The following NPEPPS variants were observed in gnomAD, a reference collection of about 807,000 sequenced individuals.
NPEPPS encodes the protein aminopeptidase puromycin sensitive.
A neutral mutation model predicts 115.5 loss-of-function variants in NPEPPS; 14 were observed. The observed-to-expected ratio is 0.12, with a 90% confidence interval of 0.08 to 0.19. NPEPPS has a LOEUF of 0.19. Among genes scored for constraint, NPEPPS ranks in the 10% least tolerant of loss-of-function variants. The pLI, the probability that NPEPPS is intolerant of heterozygous loss-of-function variation, is 1.00. For synonymous variants in NPEPPS, 285 were observed against 390.6 expected (o/e 0.73, Z 3.19); for missense variants, 523 against 1,110.8 (o/e 0.47, Z 7.52).
intron 2 of NPEPPS, among the ~76,000 whole-genome samples, chr17:47,546,800 C>G (rs1435450416): frequency 3.9e-5 from 6 of 152,092 alleles, no homozygotes; most frequent in Admixed American, 2.0e-4. Flanking sequence ...TCCCAAAGTG[C>G]TGGGATTACA....
intron 17 of NPEPPS, among the ~76,000 whole-genome samples, chr17:47,610,543 C>T (rs1913788975): frequency 2.0e-5 from 3 of 151,858 alleles, no homozygotes; most frequent in Admixed American, 6.6e-5. Context: ...GCCACCACGC[C>T]CAGCTAATTT....
intron 2 of NPEPPS, among the ~76,000 whole-genome samples, chr17:47,566,339 T>G (rs1260077584): frequency 6.6e-6 from 1 of 152,132 alleles, no homozygotes; most frequent in Admixed American, 6.5e-5. Context: ...TGTAGTGATA[T>G]GTCATTGTGA....
chr17:47,591,678 C>T (rs1326320375), intron 10 of NPEPPS: 10 of 299,010 alleles, frequency 3.3e-5, no homozygotes, highest in African/African-American at 2.2e-4. Context: ...CACTCCTCTG[C>T]AACTACCCCA....
At chr17:47,595,573 T>C (rs549589588) in intron 12 of NPEPPS, among the ~76,000 whole-genome samples, 120 of 152,344 alleles carry the variant, frequency 7.9e-4, no homozygotes, top group African/African-American at 2.8e-3. Flanking sequence ...CCAGGTGTTA[T>C]GACTCACACC....
At chr17:47,602,764 C>T (rs778934143) in intron 15 of NPEPPS, among the ~76,000 whole-genome samples, 21 of 151,568 alleles carry the variant, frequency 1.4e-4, no homozygotes, top group Admixed American at 2.6e-4. Flanking sequence ...CCTCAGGCTC[C>T]GGAGTAGCTA....
intron 22 of NPEPPS, 73 bp from the exon 23 acceptor site, chr17:47,621,695 A>AT (rs1201349672): frequency 7.0e-7 from 1 of 1,429,940 alleles, no homozygotes; most frequent in South Asian, 1.3e-5. Context: ...ACCAGTGGGT[A>AT]TTTTTTCATA....
At chr17:47,605,608 T>G in intron 17 of NPEPPS, 56 bp downstream of exon 17, 1 of 1,043,226 alleles carries the variant, frequency 9.6e-7, no homozygotes, top group South Asian at 1.4e-5. Flanking sequence ...CTTTTTTATG[T>G]GGTTAACAAT....
At chr17:47,548,076 T>C (rs1237124820) in intron 2 of NPEPPS, 2 of 152,130 alleles carry the variant, frequency 1.3e-5, no homozygotes, top group Non-Finnish European at 2.9e-5. Context: ...TTTGATCTTT[T>C]AACTTACATT....
intron 16 of NPEPPS, among the ~76,000 whole-genome samples, chr17:47,604,324 T>C (rs975948180): frequency 6.6e-5 from 10 of 152,212 alleles, no homozygotes; most frequent in African/African-American, 1.9e-4. Flanking sequence ...GAAATAAATA[T>C]AAGCCTTGAA....
chr17:47,578,066 G>A (rs368134360), intron 3 of NPEPPS, among the ~76,000 whole-genome samples: 1 of 151,952 alleles, frequency 6.6e-6, no homozygotes, highest in Non-Finnish European at 1.5e-5. Flanking sequence ...TTAGCCAGGC[G>A]TGGTGATGCC....
At chr17:47,590,236 C>T (rs1467062455) in intron 9 of NPEPPS, among the ~76,000 whole-genome samples, 2 of 151,962 alleles carry the variant, frequency 1.3e-5, no homozygotes, top group African/African-American at 2.4e-5. Context: ...TTGAAAATAT[C>T]CTTTAGCCCA....
At chr17:47,614,765 TAAAATGTGC>T (rs1219436167) in intron 19 of NPEPPS, among the ~76,000 whole-genome samples, 1 of 152,168 alleles carries the variant, frequency 6.6e-6, no homozygotes, top group African/African-American at 2.4e-5. Flanking sequence ...AATCATTAAA[TAAAATGTGC>T]AAAATGTGCC....
At chr17:47,579,537 T>C (rs1247160329) in intron 4 of NPEPPS, 26 bp downstream of exon 4, 3 of 1,541,182 alleles carry the variant, frequency 1.9e-6, no homozygotes, top group Non-Finnish European at 2.6e-6. Context: ...CTCTAAAATA[T>C]TATTATTCTT....
At chr17:47,550,444 G>T (rs1208282780) in intron 2 of NPEPPS, among the ~76,000 whole-genome samples, 7 of 143,660 alleles carry the variant, frequency 4.9e-5, no homozygotes, top group Non-Finnish European at 6.0e-5. Flanking sequence ...TTGTTTTAAA[G>T]AACTTGTTTT....
chr17:47,609,119 T>A (rs1298622830), intron 17 of NPEPPS, among the ~76,000 whole-genome samples: 6 of 151,960 alleles, frequency 3.9e-5, no homozygotes. Flanking sequence ...TGCAACTATT[T>A]GAACATATGC....
At chr17:47,575,855 A>G (rs543855379) in intron 3 of NPEPPS, among the ~76,000 whole-genome samples, 1 of 151,878 alleles carries the variant, frequency 6.6e-6, no homozygotes, top group Admixed American at 6.6e-5. Context: ...TGATCCGCCC[A>G]CCTCGGCCTC....
intron 2 of NPEPPS, among the ~76,000 whole-genome samples, chr17:47,560,665 C>T (rs570451749): frequency 6.6e-6 from 1 of 152,262 alleles, no homozygotes; most frequent in South Asian, 2.1e-4. Context: ...TTTCCCATTG[C>T]AACATTATTT....
chr17:47,544,121 C>G (rs1287782559), intron 1 of NPEPPS, among the ~76,000 whole-genome samples: 1 of 152,100 alleles, frequency 6.6e-6, no homozygotes, highest in Non-Finnish European at 1.5e-5. Flanking sequence ...GTCTCGATCT[C>G]CTGACCTCAT....
Position 47,605,359 on chromosome 17 carries a change from A to G in NPEPPS, c.1902A>G (p.Val634=), listed in dbSNP as rs766391352. 1 of 1,610,344 alleles carries G rather than the reference A, an allele frequency of 6.2e-7. No individual in the cohort carries two copies. The highest frequency in any genetic ancestry group is 1.1e-5 in the South Asian group (1 of 90,028). Residue 634 remains valine, a synonymous_variant, in exon 17 of 23, where the codon GTA becomes GTG. Coordinates refer to ENST00000322157, the MANE Select transcript of NPEPPS (RefSeq NM_006310.4). ...SLARAGIIST[V]EVLKVMEAFV... ...CTCGAGCTGGAATCATTAGCACTGT[A>G]GAGGTTCTAAAAGTCATGGAGGCTT...
Sources: allele counts gnomAD v4.1 joint callset (sites outside exome capture counted in the v4.1 genomes callset), GRCh38; gene constraint gnomAD v4.1.1; transcripts MANE v1.5; gene names NCBI Gene and HGNC (gene_info 2026-07-23, HGNC 2026-07-21).